Variants in LRRTM4 observed in about 807,000 individuals in gnomAD.
LRRTM4 encodes leucine-rich repeat transmembrane neuronal protein 4.
In LRRTM4, 25 loss-of-function variants were observed where a neutral mutation model predicts 47.6. That is an observed-to-expected ratio of 0.53 (90% CI 0.38 to 0.73). LRRTM4 has a LOEUF of 0.73. LRRTM4 is among the 30% of genes least tolerant of loss of function. The pLI, the probability that LRRTM4 is intolerant of heterozygous loss-of-function variation, is 0.00. For missense variants in LRRTM4, 638 were observed against 713.4 expected (o/e 0.89, Z 1.20); for synonymous variants, 311 against 269.5 (o/e 1.15, Z -1.51).
At chr2:77,330,913 G>A (rs1670949748) in intron 3 of LRRTM4, among the ~76,000 whole-genome samples, 1 of 152,120 alleles carries the variant, frequency 6.6e-6, no homozygotes, top group Non-Finnish European at 1.5e-5. Context: ...TGATTAACTT[G>A]TCAAAATGTC....
At chr2:76,885,756 C>A (rs1482890368) in intron 3 of LRRTM4, among the ~76,000 whole-genome samples, 1 of 152,014 alleles carries the variant, frequency 6.6e-6, no homozygotes, top group African/African-American at 2.4e-5. Context: ...TGAGTCACCG[C>A]GCCCGGCCAA....
At chr2:77,417,087 A>G (rs1674663994) in intron 3 of LRRTM4, among the ~76,000 whole-genome samples, 2 of 147,876 alleles carry the variant, frequency 1.4e-5, no homozygotes, top group Non-Finnish European at 3.0e-5. Flanking sequence ...GGCAAAGGAT[A>G]TGAACACACT....
At chr2:77,330,694 G>C (rs1362484944) in intron 3 of LRRTM4, among the ~76,000 whole-genome samples, 2 of 152,134 alleles carry the variant, frequency 1.3e-5, no homozygotes, top group South Asian at 4.1e-4. Context: ...AATCATTGCT[G>C]TCTTCAGCTA....
At chr2:77,305,816 T>C (rs1431510063) in intron 3 of LRRTM4, among the ~76,000 whole-genome samples, 1 of 152,026 alleles carries the variant, frequency 6.6e-6, no homozygotes, top group Non-Finnish European at 1.5e-5. Context: ...TTTTATATTT[T>C]AATAATAAAA....
At chr2:76,786,873 A>G (rs1424158676) in intron 3 of LRRTM4, among the ~76,000 whole-genome samples, 1 of 145,412 alleles carries the variant, frequency 6.9e-6, no homozygotes, top group East Asian at 2.0e-4. Context: ...TGTGCTAATA[A>G]TAGCATCAAA....
intron 3 of LRRTM4, among the ~76,000 whole-genome samples, chr2:76,915,309 C>T (rs1031045853): frequency 6.6e-6 from 1 of 152,086 alleles, no homozygotes; most frequent in African/African-American, 2.4e-5. Context: ...AATATCAAAA[C>T]GGGATTGAGT....
intron 3 of LRRTM4, among the ~76,000 whole-genome samples, chr2:77,185,962 G>A (rs1041487819): frequency 6.6e-6 from 1 of 152,030 alleles, no homozygotes; most frequent in African/African-American, 2.4e-5. Context: ...GAACCCTTTG[G>A]TACAGTGTTC....
chr2:76,980,458 C>T (rs1216072015), intron 3 of LRRTM4, among the ~76,000 whole-genome samples: 1 of 151,926 alleles, frequency 6.6e-6, no homozygotes, highest in South Asian at 2.1e-4. Context: ...TTAAAGGTGG[C>T]AGAGAAAACA....
intron 3 of LRRTM4, among the ~76,000 whole-genome samples, chr2:76,751,555 T>C (rs948131911): frequency 1.3e-4 from 20 of 152,134 alleles, no homozygotes; most frequent in African/African-American, 3.9e-4. Flanking sequence ...GCCGAATTAC[T>C]AGATACTAAA....
intron 3 of LRRTM4, among the ~76,000 whole-genome samples, chr2:77,037,520 T>G (rs771806743): frequency 6.6e-6 from 1 of 151,584 alleles, no homozygotes; most frequent in Non-Finnish European, 1.5e-5. Context: ...CATAAAAAAA[T>G]GCTTATGTCC....
At chr2:76,860,622 G>A (rs911920348) in intron 3 of LRRTM4, among the ~76,000 whole-genome samples, 1 of 151,950 alleles carries the variant, frequency 6.6e-6, no homozygotes, top group African/African-American at 2.4e-5. Flanking sequence ...TATAAGAATG[G>A]AACTTAGCTA....
At chr2:77,049,992 C>A (rs10176440) in intron 3 of LRRTM4, among the ~76,000 whole-genome samples, 10,279 of 152,012 alleles carry the variant, frequency 0.068, 782 homozygotes, top group African/African-American at 0.18. Flanking sequence ...GCTAGAAAGG[C>A]AATATTCCTT....
chr2:76,980,225 G>C (rs754336867), intron 3 of LRRTM4, among the ~76,000 whole-genome samples: 4 of 152,086 alleles, frequency 2.6e-5, no homozygotes, highest in Non-Finnish European at 5.9e-5. Context: ...ATGAGAAATG[G>C]AGAAAGTAGT....
intron 3 of LRRTM4, among the ~76,000 whole-genome samples, chr2:77,154,989 TA>T: frequency 6.6e-6 from 1 of 152,266 alleles, no homozygotes; most frequent in Middle Eastern, 3.4e-3. Flanking sequence ...CTTGCACTAC[TA>T]ACTGTCAATT....
rs113765900 is a variant in LRRTM4, at chr2:77,368,515, T to C, written c.1551+149803A>G. On this transcript the variant is annotated intron_variant, in intron 3 of 3. Transcript: ENST00000409884. ...TAATAAATCATGAGGGATAGTTCAATATTCCTATTTACAGATGAGGAATCT... is the reference window on the plus strand; with the variant it reads ...TAATAAATCATGAGGGATAGTTCAACATTCCTATTTACAGATGAGGAATCT... Among the ~76,000 whole-genome samples the C allele has an allele frequency of 7.5e-3, 1,147 of 151,944 alleles. 13 individuals carry two copies. The highest frequency in any genetic ancestry group is 0.026 in the African/African-American group (1,089 of 41,520).
chr2:76,867,089 G>T (rs1672490074), intron 3 of LRRTM4, among the ~76,000 whole-genome samples: 1 of 152,042 alleles, frequency 6.6e-6, no homozygotes, highest in African/African-American at 2.4e-5. Context: ...CAAGGGGAGG[G>T]AGAACATTAG....
rs571121595 is a variant in LRRTM4 at position 76,778,805 on chromosome 2, T to G, written c.1552-29889A>C. 8.3e-3 allele frequency among the ~76,000 whole-genome samples: 1,253 copies of G among 150,966 alleles called. 14 individuals carry two copies. Among genetic ancestry groups the G allele is most frequent in the African/African-American group, 0.029 (1,190 of 40,874 alleles). ...AGTTATTTCTTGCCTTCTGCTAGCT[T>G]TTGAATGTGTTTGCTCTTGCTTTTC... is the stretch of plus-strand genomic sequence containing the variant. On this transcript the variant is annotated intron_variant, in intron 3 of 3. Coordinates refer to ENST00000409884, the MANE Select transcript of LRRTM4 (RefSeq NM_001134745.3).
At chr2:77,375,247 C>A (rs1672790506) in intron 3 of LRRTM4, among the ~76,000 whole-genome samples, 1 of 151,694 alleles carries the variant, frequency 6.6e-6, no homozygotes, top group African/African-American at 2.4e-5. Flanking sequence ...GATATCCTCC[C>A]TCTTTTTCTA....
chr2:76,789,289 C>G (rs1674843947), intron 3 of LRRTM4, among the ~76,000 whole-genome samples: 2 of 152,212 alleles, frequency 1.3e-5, no homozygotes, highest in South Asian at 4.1e-4. Flanking sequence ...GAAAAAATGG[C>G]CAAGTAGGTG....
Sources: gnomAD v4.1 joint callset for allele counts (sites outside exome capture counted in the v4.1 genomes callset) on GRCh38, gnomAD v4.1.1 for gene constraint, MANE v1.5 for transcripts, NCBI Gene and HGNC (gene_info 2026-07-23, HGNC 2026-07-21) for gene names.